The following PM20D2 variants were observed in gnomAD, a reference collection of about 807,000 sequenced individuals.
PM20D2 encodes peptidase M20 domain containing 2.
Under a neutral mutation model 42.9 loss-of-function variants are expected in PM20D2, and 33 were observed. The ratio of observed to expected loss-of-function variants is 0.77; its 90% CI spans 0.58 to 1.03. The LOEUF (loss-of-function observed/expected upper bound fraction) is 1.03. PM20D2 is among the 50% of genes least tolerant of loss of function. The pLI is 0.00. For missense variants in PM20D2, 548 were observed against 557.0 expected (o/e 0.98, Z 0.16); for synonymous variants, 250 against 228.2 (o/e 1.10, Z -0.86).
the PM20D2 span, among the ~76,000 whole-genome samples, chr6:89,108,887 C>G: frequency 8.9e-4 from 135 of 152,314 alleles, no homozygotes; most frequent in African/African-American, 3.1e-3. Flanking sequence ...CAAAAATTGA[C>G]TAAGCATCTA....
intron 2 of PM20D2, among the ~76,000 whole-genome samples, chr6:89,150,630 C>A (rs1405832037): frequency 6.9e-6 from 1 of 144,156 alleles, no homozygotes; most frequent in East Asian, 2.1e-4. Context: ...ACCTCCGCAT[C>A]CCAGGTTCAA....
At chr6:89,111,323 T>C in the PM20D2 span, among the ~76,000 whole-genome samples, 1 of 152,198 alleles carries the variant, frequency 6.6e-6, no homozygotes, top group Admixed American at 6.5e-5. Flanking sequence ...CTTTTAAAAT[T>C]CCTCTTGAAA....
the PM20D2 span, chr6:89,096,689 G>C: frequency 6.6e-6 from 1 of 151,968 alleles, no homozygotes; most frequent in South Asian, 2.1e-4. Flanking sequence ...TAGATAAAGG[G>C]GTCTTGCTAT....
In PM20D2 at chr6:89,164,756, TTAAGA is replaced by T. The variant is rs1310598975; in HGVS notation, c.*2496_*2500del. On this transcript the variant is annotated 3_prime_UTR_variant, in exon 7 of 7. Transcript: ENST00000275072. ...TGTCTATGGTAGGGAATAAAAGAGTTTAAGATATTATGTAAAATTATGTGTATTTT... is the reference window on the plus strand; with the variant it reads ...TGTCTATGGTAGGGAATAAAAGAGTTTATTATGTAAAATTATGTGTATTTT... 3 of 152,078 alleles carry T rather than the reference TTAAGA, an allele frequency of 2.0e-5. No homozygotes were observed. The East Asian group carries it at 5.8e-4, about 29-fold the overall frequency. The allele number at this position is 152,078 out of a possible 1,614,324, so 9.4% of individuals were successfully genotyped here. A position where few individuals can be genotyped will look rare whatever the true frequency, so the allele number is the denominator to read the frequency against.
In PM20D2 at chr6:89,146,504, C is replaced by T. The variant is rs1770561999; in HGVS notation, c.360C>T (p.Ile120=). Reference sequence around the variant, plus strand: ...GCGAGTACGACGCGCTGCCCGGCATCGGCCACGCCTGCGGCCACAACCTCA... The same window carrying T: ...GCGAGTACGACGCGCTGCCCGGCATTGGCCACGCCTGCGGCCACAACCTCA... ...FLCEYDALPG[I]GHACGHNLIA... is the part of the protein sequence containing the mutation. The change falls in exon 1 of 7, where the codon ATC becomes ATT. Residue 120 remains isoleucine (I), a synonymous_variant. Coordinates refer to ENST00000275072, the MANE Select transcript of PM20D2 (RefSeq NM_001010853.3). 6.6e-7 allele frequency: 1 copy of T among 1,522,448 alleles called. No homozygotes were observed. The highest frequency in any genetic ancestry group is 1.2e-5 in the South Asian group (1 of 82,550). The allele number at this position is 1,522,448 out of a possible 1,614,324, so 94.3% of individuals were successfully genotyped here.
the PM20D2 span, chr6:89,105,799 C>G: frequency 5.0e-6 from 1 of 201,930 alleles, no homozygotes; most frequent in Non-Finnish European, 9.9e-6. Flanking sequence ...AGTGTGGCTG[C>G]AGTATGCATG....
At position 89,154,987 on chromosome 6, in the gene PM20D2, C is replaced by G. The variant is rs948996536; in HGVS notation, c.912+85C>G. On this transcript the variant is annotated intron_variant, in intron 4 of 6. Coordinates refer to ENST00000275072, the MANE Select transcript of PM20D2 (RefSeq NM_001010853.3). ...TGTTAGATTGAAATCTAACTTGACT[C>G]TCTTATTTGGTGACATGTTGAATAT... The G allele has an allele frequency of 1.2e-5, 14 of 1,204,558 alleles. No homozygotes were observed. The African/African-American group carries it at 2.2e-4, about 19-fold the overall frequency. 74.6% of individuals were successfully genotyped at this position (1,204,558 alleles called of 1,614,324 possible).
At chr6:89,113,031 G>A in the PM20D2 span, among the ~76,000 whole-genome samples, 112,165 of 152,132 alleles carry the variant, frequency 0.74, 41,427 homozygotes, top group East Asian at 0.84. Context: ...TGGCTTTACT[G>A]TGTAGTAGGT....
At chr6:89,143,622 A>G (rs547034375), upstream of PM20D2, among the ~76,000 whole-genome samples, 2 of 152,202 alleles carry the variant, frequency 1.3e-5, no homozygotes, top group Non-Finnish European at 2.9e-5. Flanking sequence ...GGGAGCTTGT[A>G]TACATTTTTT....
chr6:89,108,361 T>G, the PM20D2 span, among the ~76,000 whole-genome samples: 2 of 152,176 alleles, frequency 1.3e-5, no homozygotes, highest in Admixed American at 1.3e-4. Flanking sequence ...AGATTATGGG[T>G]GATACAGACA....
At chr6:89,117,623 C>A in the PM20D2 span, among the ~76,000 whole-genome samples, 9 of 152,194 alleles carry the variant, frequency 5.9e-5, no homozygotes, top group African/African-American at 2.4e-5. Context: ...GAAAGCTGGC[C>A]GGGAGGGCGG....
the PM20D2 span, among the ~76,000 whole-genome samples, chr6:89,130,377 G>T: frequency 6.6e-6 from 1 of 150,716 alleles, no homozygotes; most frequent in African/African-American, 2.4e-5. Flanking sequence ...GGGGTTATAG[G>T]TGTAAGCCAC....
chr6:89,146,151 C>T lies in PM20D2; in HGVS notation c.7C>T (p.Pro3Ser), dbSNP rs753054784. Residue 3 changes from proline to serine, a missense_variant, in exon 1 of 7, where the codon CCC (proline) becomes TCC (serine). Pro to Ser is a moderately conservative substitution (Grantham distance 74). Transcript: ENST00000275072. ...GGCAGCGGGCTTGGGCAGCATGAGG[C>T]CCGGAGGGGAGCGGCCCGTGGAAGG... MR[P>S]GGERPVEGGA... The T allele has an allele frequency of 8.7e-6, 13 of 1,500,388 alleles. No homozygotes were observed. The highest frequency in any genetic ancestry group is 1.1e-5 in the Non-Finnish European group (13 of 1,131,886). The allele number at this position is 1,500,388 out of a possible 1,614,324, so 92.9% of individuals were successfully genotyped here. A position where few individuals can be genotyped will look rare whatever the true frequency, so the allele number is the denominator to read the frequency against.
chr6:89,130,816 CTTCTTTTTTTTTT>C, the PM20D2 span, among the ~76,000 whole-genome samples: 13 of 50,954 alleles, frequency 2.6e-4, no homozygotes, highest in Non-Finnish European at 3.7e-4. Flanking sequence ...CTGGCTTCTT[CTTCTTTTTTTTTT>C]TTTTTTTTTT....
chr6:89,114,764 G>A, the PM20D2 span, among the ~76,000 whole-genome samples: 10 of 152,144 alleles, frequency 6.6e-5, no homozygotes, highest in Non-Finnish European at 1.0e-4. Context: ...TTTAAAATGC[G>A]TATAAATATG....
chr6:89,113,277 G>A, the PM20D2 span, among the ~76,000 whole-genome samples: 8 of 152,006 alleles, frequency 5.3e-5, no homozygotes, highest in South Asian at 8.3e-4. Context: ...AGGTTCATGC[G>A]ATTCTTCTGC....
At chr6:89,156,542 G>A (rs115614874) in intron 4 of PM20D2, among the ~76,000 whole-genome samples, 10 of 152,192 alleles carry the variant, frequency 6.6e-5, no homozygotes, top group Admixed American at 2.6e-4. Context: ...ATTGATTCAC[G>A]TAGTAGCAGT....
At position 89,165,416 on chromosome 6, in the gene PM20D2, A is replaced by G. The variant is rs1771385819; in HGVS notation, c.*3153A>G. ...ATATCAAGCATTTTGCAGTCCAATT[A>G]TATAGTTGAGGATGGTGTATTTTGA... On this transcript the variant is annotated 3_prime_UTR_variant, in exon 7 of 7. Coordinates refer to ENST00000275072, the MANE Select transcript of PM20D2 (RefSeq NM_001010853.3). The G allele has an allele frequency of 6.6e-6, 1 of 152,168 alleles. No individual in the cohort carries two copies. Among genetic ancestry groups the G allele is most frequent in the Non-Finnish European group, 1.5e-5 (1 of 68,018 alleles). 9.4% of individuals were successfully genotyped at this position (152,168 alleles called of 1,614,324 possible).
At chr6:89,143,242 A>G (rs1257102860), upstream of PM20D2, among the ~76,000 whole-genome samples, 1 of 152,202 alleles carries the variant, frequency 6.6e-6, no homozygotes, top group Non-Finnish European at 1.5e-5. Context: ...CTGAATCTGA[A>G]GCCCAAAATA....
Sources: gnomAD v4.1 joint callset for allele counts (sites outside exome capture counted in the v4.1 genomes callset) on GRCh38, gnomAD v4.1.1 for gene constraint, MANE v1.5 for transcripts, NCBI Gene and HGNC (gene_info 2026-07-23, HGNC 2026-07-21) for gene names.